The following SNX18 variants were observed in gnomAD, a reference collection of about 807,000 sequenced individuals.
The protein encoded by SNX18 is sorting nexin 18.
A neutral mutation model predicts 48.7 loss-of-function variants in SNX18; 35 were observed. That is an observed-to-expected ratio of 0.72 (90% CI 0.55 to 0.95). The LOEUF is 0.95. Among genes scored for constraint, SNX18 ranks in the 40% least tolerant of loss-of-function variants. The probability of loss-of-function intolerance (pLI) is 0.00; values close to 1 mark genes in which losing one functional copy is unlikely to be tolerated. For synonymous variants in SNX18, 492 were observed against 384.7 expected (o/e 1.28, Z -3.26); for missense variants, 824 against 871.0 (o/e 0.95, Z 0.68).
the SNX18 span, among the ~76,000 whole-genome samples, chr5:54,638,597 A>G: frequency 6.6e-6 from 1 of 152,322 alleles, no homozygotes; most frequent in Non-Finnish European, 1.5e-5. Flanking sequence ...GGGTATTGGT[A>G]TCTAAAAGGA....
rs1388767698 is a variant in SNX18, at chr5:54,545,064, C to A, written c.*1632C>A. ...ACATTTTCTCTCTAAAAAGTAGTTT[C>A]ATATGGGTTGTATTTTTAAGATCAG... On this transcript the variant is annotated 3_prime_UTR_variant, in exon 2 of 2. Transcript: ENST00000381410. The A allele has an allele frequency of 6.6e-6, 1 of 152,116 alleles. No individual in the cohort carries two copies. The allele number at this position is 152,116 out of a possible 1,614,324, so 9.4% of individuals were successfully genotyped here. A position where few individuals can be genotyped will look rare whatever the true frequency, so the allele number is the denominator to read the frequency against.
intron 1 of SNX18, among the ~76,000 whole-genome samples, chr5:54,538,286 C>G (rs1025955257): frequency 1.3e-5 from 2 of 152,168 alleles, no homozygotes; most frequent in African/African-American, 4.8e-5. Context: ...ACTTTCTTTT[C>G]TAGTGAACTC....
At chr5:54,522,755 G>A (rs1270849165) in intron 1 of SNX18, among the ~76,000 whole-genome samples, 4 of 151,780 alleles carry the variant, frequency 2.6e-5, no homozygotes, top group African/African-American at 9.7e-5. Flanking sequence ...CAAAATGAGG[G>A]TGGAAAACTC....
the SNX18 span, among the ~76,000 whole-genome samples, chr5:54,560,419 A>G: frequency 6.6e-6 from 1 of 152,208 alleles, no homozygotes; most frequent in Non-Finnish European, 1.5e-5. Flanking sequence ...TGGGAGCTAA[A>G]TGATGAGAAC....
At chr5:54,576,874 T>C in the SNX18 span, among the ~76,000 whole-genome samples, 1 of 152,178 alleles carries the variant, frequency 6.6e-6, no homozygotes, top group Non-Finnish European at 1.5e-5. Context: ...CCATCTCAGC[T>C]CACTGCAGCC....
At chr5:54,556,508 T>C in the SNX18 span, among the ~76,000 whole-genome samples, 1 of 152,224 alleles carries the variant, frequency 6.6e-6, no homozygotes, top group Non-Finnish European at 1.5e-5. Context: ...TGGGATTACA[T>C]TGGGTCCACC....
chr5:54,559,819 AG>A, the SNX18 span, among the ~76,000 whole-genome samples: 3 of 152,228 alleles, frequency 2.0e-5, no homozygotes, highest in Non-Finnish European at 4.4e-5. Context: ...TAACTGACAA[AG>A]GTCTAATATC....
intron 1 of SNX18, among the ~76,000 whole-genome samples, chr5:54,523,742 G>T (rs1056507706): frequency 6.6e-6 from 1 of 152,178 alleles, no homozygotes; most frequent in Admixed American, 6.5e-5. Flanking sequence ...TGTCAGTCTT[G>T]CTGGGTAGAA....
the SNX18 span, among the ~76,000 whole-genome samples, chr5:54,586,959 C>T: frequency 6.6e-6 from 1 of 150,870 alleles, no homozygotes; most frequent in East Asian, 2.0e-4. Flanking sequence ...GAGGTGAGCA[C>T]TCTGTAAGGT....
At chr5:54,627,302 AT>A in the SNX18 span, among the ~76,000 whole-genome samples, 1 of 152,174 alleles carries the variant, frequency 6.6e-6, no homozygotes, top group African/African-American at 2.4e-5. Context: ...TACTCTTCCT[AT>A]TAGCAGGAAA....
chr5:54,642,090 T>C, the SNX18 span, among the ~76,000 whole-genome samples: 2 of 152,318 alleles, frequency 1.3e-5, no homozygotes, highest in East Asian at 3.9e-4. Context: ...TATGTATTCG[T>C]TGATGCTACA....
intron 1 of SNX18, among the ~76,000 whole-genome samples, chr5:54,537,387 T>A (rs1762377843): frequency 1.3e-5 from 2 of 152,278 alleles, no homozygotes; most frequent in Admixed American, 1.3e-4. Context: ...CTTTTCATAA[T>A]AAAATCGTAA....
the SNX18 span, among the ~76,000 whole-genome samples, chr5:54,633,607 A>G: frequency 6.6e-6 from 1 of 152,230 alleles, no homozygotes; most frequent in Admixed American, 6.5e-5. Context: ...AAAAATGGTT[A>G]TAATATTATA....
chr5:54,630,305 T>G, the SNX18 span, among the ~76,000 whole-genome samples: 1 of 152,124 alleles, frequency 6.6e-6, no homozygotes, highest in Non-Finnish European at 1.5e-5. Context: ...GGGAGAGAAA[T>G]GGAGTAGACT....
chr5:54,629,306 A>G, the SNX18 span, among the ~76,000 whole-genome samples: 1 of 152,188 alleles, frequency 6.6e-6, no homozygotes, highest in Non-Finnish European at 1.5e-5. Flanking sequence ...TGTGGAGAGG[A>G]GCCACCATTT....
At chr5:54,553,746 T>A in the SNX18 span, among the ~76,000 whole-genome samples, 1 of 152,188 alleles carries the variant, frequency 6.6e-6, no homozygotes, top group Non-Finnish European at 1.5e-5. Context: ...TTAGCAGCCA[T>A]CCTGGTTATG....
chr5:54,632,919 C>T, the SNX18 span, among the ~76,000 whole-genome samples: 1 of 152,008 alleles, frequency 6.6e-6, no homozygotes, highest in African/African-American at 2.4e-5. Context: ...GGATTACAGG[C>T]AACCGCCACC....
the SNX18 span, among the ~76,000 whole-genome samples, chr5:54,572,752 G>GTATATATATATATATA: frequency 2.5e-5 from 1 of 39,508 alleles, no homozygotes; most frequent in Non-Finnish European, 5.3e-5. Context: ...GTGTGTGTGT[G>GTATATATATATATATA]TGTATATATA....
the SNX18 span, among the ~76,000 whole-genome samples, chr5:54,564,087 G>A: frequency 7.9e-5 from 12 of 151,778 alleles, no homozygotes; most frequent in East Asian, 2.0e-4. Context: ...TCAAGACAGC[G>A]TGGCCATCTC....
Sources: gnomAD v4.1 joint callset for allele counts (sites outside exome capture counted in the v4.1 genomes callset) on GRCh38, gnomAD v4.1.1 for gene constraint, MANE v1.5 for transcripts, NCBI Gene and HGNC (gene_info 2026-07-23, HGNC 2026-07-21) for gene names.